Variants in GLI3 observed in about 807,000 individuals in gnomAD.
The protein encoded by GLI3 is transcription activator GLI3.
In GLI3, 20 loss-of-function variants were observed where a neutral mutation model predicts 100.8. The observed-to-expected ratio is 0.20, with a 90% CI of 0.14 to 0.29. The LOEUF is 0.29. Ranked by LOEUF, GLI3 falls within the 10% of genes least tolerant of loss-of-function variation. GLI3 has a pLI of 1.00. For synonymous variants in GLI3, 938 were observed against 860.5 expected (o/e 1.09, Z -1.58); for missense variants, 2,040 against 2,128.5 (o/e 0.96, Z 0.82).
chr7:42,219,365 CA>C (rs2128701194), intron 2 of GLI3, among the ~76,000 whole-genome samples: 1 of 151,670 alleles, frequency 6.6e-6, no homozygotes, highest in South Asian at 2.1e-4. Flanking sequence ...TAAAGATTAC[CA>C]AAGGCTTTAT....
At chr7:42,238,080 T>A (rs545327214), upstream of GLI3, among the ~76,000 whole-genome samples, 3 of 146,174 alleles carry the variant, frequency 2.1e-5, no homozygotes, top group Admixed American at 6.7e-5. Flanking sequence ...GACACATTCA[T>A]GCCTGCTCCT....
chr7:41,968,739 A>AGAAAGAAAGAAGGAAG (rs1562661918), intron 13 of GLI3, among the ~76,000 whole-genome samples: 34 of 133,162 alleles, frequency 2.6e-4, no homozygotes, highest in Admixed American at 4.3e-4. Context: ...AAAGAAAGAA[A>AGAAAGAAAGAAGGAAG]GAAAGAAAGA....
At chr7:42,124,301 G>A (rs1192350308) in intron 3 of GLI3, among the ~76,000 whole-genome samples, 1 of 152,146 alleles carries the variant, frequency 6.6e-6, no homozygotes, top group Non-Finnish European at 1.5e-5. Context: ...AGCTTAGCTT[G>A]TTTCTGCTGT....
At chr7:42,228,808 A>G (rs955024077) in intron 1 of GLI3, among the ~76,000 whole-genome samples, 2 of 152,196 alleles carry the variant, frequency 1.3e-5, no homozygotes, top group African/African-American at 4.8e-5. Context: ...CATAGATTCA[A>G]GTGCTGTGAA....
Position 41,978,675 on chromosome 7 carries a change from T to C in GLI3, c.1571A>G (p.Gln524Arg), listed in dbSNP as rs1787574665. ...CATATACTGGGCTTTGAAGGGTTTC[T>C]GCTCTCTTGAGCAGTCCAGCCACCT... ...VCRWLDCSRE[Q>R]KPFKAQYMLV... The change falls in exon 11 of 15, where the codon CAG becomes CGG. Residue 524 changes from glutamine (Q) to arginine (R), a missense_variant. Physicochemically the swap from Gln to Arg is conservative, Grantham distance 43. Coordinates refer to ENST00000395925, the MANE Select transcript of GLI3 (RefSeq NM_000168.6). The C allele has an allele frequency of 1.2e-6, 2 of 1,614,038 alleles. No individual in the cohort carries two copies. Among genetic ancestry groups the C allele is most frequent in the Non-Finnish European group, 1.7e-6 (2 of 1,179,868 alleles).
At chr7:42,172,817 C>A in intron 2 of GLI3, 1 of 571,936 alleles carries the variant, frequency 1.7e-6, no homozygotes, top group East Asian at 2.8e-5. Context: ...TCTCAAAGAG[C>A]CATTCACCTT....
chr7:42,221,234 G>A (rs1788480312), intron 2 of GLI3, among the ~76,000 whole-genome samples: 1 of 152,176 alleles, frequency 6.6e-6, no homozygotes, highest in Non-Finnish European at 1.5e-5. Context: ...ACCAACTCAA[G>A]ACAAATGCAG....
Position 42,214,096 on chromosome 7 carries a change from G to A in GLI3, c.124+9034C>T, listed in dbSNP as rs374545345. On this transcript the variant is annotated intron_variant, in intron 2 of 14. Coordinates refer to ENST00000395925, the MANE Select transcript of GLI3 (RefSeq NM_000168.6). The stretch of plus-strand genomic sequence containing the variant: ...TTTCAATTGCAAACTCCAAGGCCCC[G>A]TTATTTCATTAATGCAGCACCCAAG... Among the ~76,000 whole-genome samples, 271 of 152,274 alleles carry A rather than the reference G, an allele frequency of 1.8e-3. 2 individuals carry two copies. The Middle Eastern group carries it at 0.027, about 15-fold the overall frequency.
chr7:42,002,113 T>C (rs1040556367), intron 10 of GLI3, among the ~76,000 whole-genome samples: 4 of 151,794 alleles, frequency 2.6e-5, no homozygotes, highest in Non-Finnish European at 2.9e-5. Context: ...AAGGGAAGAA[T>C]TGAGAGGGCA....
chr7:42,255,574 C>A (rs930945414), intron 1 of GLI3, among the ~76,000 whole-genome samples: 2 of 152,182 alleles, frequency 1.3e-5, no homozygotes, highest in Admixed American at 1.3e-4. Context: ...TCATATAATA[C>A]ATAGTCTTTT....
chr7:42,216,805 AT>A (rs1234119928), intron 2 of GLI3, among the ~76,000 whole-genome samples: 1 of 152,224 alleles, frequency 6.6e-6, no homozygotes, highest in African/African-American at 2.4e-5. Context: ...TTAGCAAAAC[AT>A]TTCTATGGAC....
intron 14 of GLI3, 69 bp downstream of exon 14, chr7:41,967,527 T>C: frequency 1.9e-6 from 2 of 1,057,752 alleles, no homozygotes; most frequent in Non-Finnish European, 2.9e-6. Flanking sequence ...AACATAAAAC[T>C]GAGGGCCTGC....
chr7:42,218,614 C>A (rs989302814), intron 2 of GLI3, among the ~76,000 whole-genome samples: 4 of 151,468 alleles, frequency 2.6e-5, no homozygotes, highest in African/African-American at 7.3e-5. Flanking sequence ...CCCTTACCAA[C>A]CTTGAAGAAA....
intron 2 of GLI3, chr7:42,172,562 C>G: frequency 2.8e-6 from 2 of 703,014 alleles, no homozygotes; most frequent in Non-Finnish European, 5.2e-6. Context: ...TGGAGCTTCC[C>G]CCTTTCAAGG....
At chr7:42,078,412 G>T (rs141857711) in intron 3 of GLI3, among the ~76,000 whole-genome samples, 1 of 152,126 alleles carries the variant, frequency 6.6e-6, no homozygotes. Flanking sequence ...AATCCAGTAA[G>T]AGTAAAAAAA....
intron 1 of GLI3, among the ~76,000 whole-genome samples, chr7:42,249,528 T>C (rs751350747): frequency 7.2e-5 from 11 of 152,152 alleles, no homozygotes; most frequent in Non-Finnish European, 1.6e-4. Flanking sequence ...CAGAAAGATT[T>C]AGTTTCAAAA....
At chr7:41,984,546 C>G (rs557745747) in intron 10 of GLI3, among the ~76,000 whole-genome samples, 5 of 152,154 alleles carry the variant, frequency 3.3e-5, no homozygotes, top group Non-Finnish European at 7.3e-5. Flanking sequence ...AAACCCTGCC[C>G]GAGGGAATCA....
chr7:42,152,924 T>A (rs1786909115), intron 2 of GLI3, among the ~76,000 whole-genome samples: 1 of 152,182 alleles, frequency 6.6e-6, no homozygotes, highest in African/African-American at 2.4e-5. Context: ...CGACTCCTCA[T>A]TCACCTCTCT....
rs559579130 is a variant in GLI3, at chr7:42,026,427, T to TA, written c.1029-16dup. ...TCAAGGCAGGGCTGCACGGGGGAGA[T>TA]AAAAAAAGACGATCATCACTTAAAC... On this transcript the variant is annotated splice_polypyrimidine_tract_variant and intron_variant, in intron 7 of 14. Coordinates refer to ENST00000395925, the MANE Select transcript of GLI3 (RefSeq NM_000168.6). 2,804 of 1,602,432 alleles carry TA rather than the reference T, an allele frequency of 1.7e-3. 32 individuals carry two copies. The highest frequency in any genetic ancestry group is 0.015 in the South Asian group (1,361 of 90,606).
Sources: gnomAD v4.1 joint callset for allele counts (sites outside exome capture counted in the v4.1 genomes callset) on GRCh38, gnomAD v4.1.1 for gene constraint, MANE v1.5 for transcripts, NCBI Gene and HGNC (gene_info 2026-07-23, HGNC 2026-07-21) for gene names.